PCNX2: variants seen among roughly 807,000 people sequenced by gnomAD.
The protein encoded by PCNX2 is pecanex 2.
A neutral mutation model predicts 223.8 loss-of-function variants in PCNX2; 168 were observed. The ratio of observed to expected loss-of-function variants is 0.75; its 90% CI spans 0.66 to 0.85. The LOEUF (loss-of-function observed/expected upper bound fraction) is 0.85. PCNX2 is among the 40% of genes least tolerant of loss of function. The pLI, the probability that PCNX2 is intolerant of heterozygous loss-of-function variation, is 0.00. For synonymous variants in PCNX2, 1,006 were observed against 1,052.6 expected (o/e 0.96, Z 0.86); for missense variants, 2,507 against 2,675.5 (o/e 0.94, Z 1.39).
chr1:233,240,603 TGGTTCAG>T (rs1658705373), intron 8 of PCNX2, among the ~76,000 whole-genome samples: 1 of 152,174 alleles, frequency 6.6e-6, no homozygotes, highest in African/African-American at 2.4e-5. Context: ...TAAACTAGTT[TGGTTCAG>T]GGCTATAGCA....
At chr1:233,037,319 G>C (rs755195999) in intron 25 of PCNX2, among the ~76,000 whole-genome samples, 1 of 152,062 alleles carries the variant, frequency 6.6e-6, no homozygotes, top group Non-Finnish European at 1.5e-5. Flanking sequence ...CTGGACCTGT[G>C]TGTCTTTTTT....
intron 23 of PCNX2, among the ~76,000 whole-genome samples, chr1:233,080,351 C>T (rs1673297611): frequency 6.6e-6 from 1 of 151,832 alleles, no homozygotes; most frequent in Admixed American, 6.6e-5. Flanking sequence ...AGTAGCTAAA[C>T]CATGTTAATG....
chr1:233,167,955 T>C (rs1678899576), intron 17 of PCNX2: 1 of 461,658 alleles, frequency 2.2e-6, no homozygotes, highest in Admixed American at 6.4e-5. Flanking sequence ...AAAAAGAGAA[T>C]TTACTGGTAC....
At chr1:233,107,869 G>A (rs1247715087) in intron 21 of PCNX2, among the ~76,000 whole-genome samples, 4 of 152,146 alleles carry the variant, frequency 2.6e-5, no homozygotes, top group Admixed American at 2.0e-4. Flanking sequence ...GATGAGAGAG[G>A]AAGTTGGCAC....
Position 233,208,620 on chromosome 1 carries a change from G to A in PCNX2, c.2761C>T (p.Leu921Phe). ...FCVLCGLILL[L>F]DTGAKARHPP... ...TGCCTGGCTTTGGCCCCTGTATCAAGAAGCAAAATAAGGCCACACAGCACA... is the reference window on the plus strand; with the variant it reads ...TGCCTGGCTTTGGCCCCTGTATCAAAAAGCAAAATAAGGCCACACAGCACA... Residue 921 changes from leucine (L) to phenylalanine (F), a missense_variant, in exon 13 of 34, where the codon CTT becomes TTT. Around this residue, in one of 3 missense-constraint regions of PCNX2, gnomAD observed 104 missense variants for 144.4 expected, o/e 0.72. Transcript: ENST00000258229. The A allele has an allele frequency of 2.5e-6, 4 of 1,613,722 alleles. No individual in the cohort carries two copies. The highest frequency in any genetic ancestry group is 3.4e-6 in the Non-Finnish European group (4 of 1,179,836).
At chr1:233,031,878 G>T (rs2102844070) in intron 25 of PCNX2, 1 of 982,722 alleles carries the variant, frequency 1.0e-6, no homozygotes, top group African/African-American at 1.8e-5. Flanking sequence ...GTATAGAAAT[G>T]CATACTGGAC....
At chr1:233,264,744 T>C (rs1400806779) in intron 1 of PCNX2, among the ~76,000 whole-genome samples, 1 of 152,188 alleles carries the variant, frequency 6.6e-6, no homozygotes, top group Non-Finnish European at 1.5e-5. Flanking sequence ...AAAAGGTGCA[T>C]TTGTAAATAT....
At chr1:233,230,892 G>T (rs1193193371) in intron 9 of PCNX2, among the ~76,000 whole-genome samples, 1 of 152,080 alleles carries the variant, frequency 6.6e-6, no homozygotes. Flanking sequence ...TGAAATCTAA[G>T]AATAAAAGAC....
At chr1:233,029,636 C>A (rs1671198446) in intron 25 of PCNX2, among the ~76,000 whole-genome samples, 1 of 151,504 alleles carries the variant, frequency 6.6e-6, no homozygotes, top group African/African-American at 2.4e-5. Context: ...TGACTTTATT[C>A]TTGAAGAATA....
intron 10 of PCNX2, among the ~76,000 whole-genome samples, chr1:233,222,064 A>G (rs1657411475): frequency 6.6e-6 from 1 of 152,260 alleles, no homozygotes; most frequent in Non-Finnish European, 1.5e-5. Context: ...TAAATGCAAC[A>G]GAAAAAAGAA....
rs147950904 is a variant in PCNX2 at position 233,100,193 on chromosome 1, A to T, written c.3838-4330T>A. Among the ~76,000 whole-genome samples, 103 of 152,282 alleles carry T rather than the reference A, an allele frequency of 6.8e-4. 1 individual carries two copies. In the East Asian group the frequency reaches 0.014, roughly 21 times the overall value. ...TTTGGGAGGCCATGGCAGGCAGATCACCAGAGGTCAGGAGTTCCAGAACAG... is the reference window on the plus strand; with the variant it reads ...TTTGGGAGGCCATGGCAGGCAGATCTCCAGAGGTCAGGAGTTCCAGAACAG... On this transcript the variant is annotated intron_variant, in intron 21 of 33. Coordinates refer to ENST00000258229, the MANE Select transcript of PCNX2 (RefSeq NM_014801.4).
chr1:233,057,735 G>T, intron 23 of PCNX2: 1 of 258,652 alleles, frequency 3.9e-6, no homozygotes, highest in Non-Finnish European at 6.1e-6. Flanking sequence ...AGCCATGTGT[G>T]GTGGCACACT....
At chr1:233,252,934 AT>A in intron 5 of PCNX2, 146 bp from the exon 6 acceptor site, 3 of 851,614 alleles carry the variant, frequency 3.5e-6, no homozygotes, top group South Asian at 2.0e-5. Context: ...ATAATTTTTC[AT>A]TTTTTTAATT....
the PCNX2 span, among the ~76,000 whole-genome samples, chr1:233,324,980 C>T: frequency 6.6e-6 from 1 of 152,210 alleles, no homozygotes; most frequent in Non-Finnish European, 1.5e-5. Flanking sequence ...GACAATGTAT[C>T]TGGTCACCCA....
chr1:233,165,304 T>C (rs1009410446), intron 17 of PCNX2, among the ~76,000 whole-genome samples: 2 of 152,196 alleles, frequency 1.3e-5, no homozygotes, highest in African/African-American at 2.4e-5. Flanking sequence ...CTAGTGAATA[T>C]ATGCCTCCTA....
intron 32 of PCNX2, among the ~76,000 whole-genome samples, chr1:232,996,515 GGT>G (rs1301252989): frequency 1.3e-5 from 2 of 152,158 alleles, no homozygotes; most frequent in African/African-American, 4.8e-5. Flanking sequence ...AACAGCATGG[GGT>G]GGGTGGGGCA....
chr1:233,235,957 AAT>A (rs1553319644), intron 9 of PCNX2, among the ~76,000 whole-genome samples: 1,283 of 93,080 alleles, frequency 0.014, 31 homozygotes, highest in African/African-American at 0.04. Flanking sequence ...CATAAAAAAA[AAT>A]ATATATATAT....
chr1:233,227,301 TA>T lies in PCNX2; in HGVS notation c.2428del (p.Tyr810ThrfsTer18). On this transcript the variant is annotated frameshift_variant, in exon 10 of 34. Transcript: ENST00000258229. LOFTEE classifies it high-confidence loss of function. Reference protein sequence around the residue: ...TQGKFNREQFYKFIIFPGKWI... With the variant: ...TQGKFNREQFXKFIIFPGKWI... The stretch of plus-strand genomic sequence containing the variant: ...CTTGCCAGGGAAAATGATAAATTTG[TA>T]AAACTGCTCTCGGTTAAATTTTCCT... 6.2e-7 allele frequency: 1 copy of T among 1,613,648 alleles called. No homozygotes were observed. Among genetic ancestry groups the T allele is most frequent in the Non-Finnish European group, 8.5e-7 (1 of 1,179,708 alleles).
chr1:232,985,944 C>T (rs1304595080), intron 33 of PCNX2, 148 bp downstream of exon 33: 2 of 864,322 alleles, frequency 2.3e-6, no homozygotes, highest in Admixed American at 2.2e-5. Flanking sequence ...TGTCTAATCA[C>T]TGTCCTTTGT....
Sources: gnomAD v4.1 joint callset for allele counts (sites outside exome capture counted in the v4.1 genomes callset) on GRCh38, gnomAD v4.1.1 for gene constraint, gnomAD v4.1.1 regional missense constraint, MANE v1.5 for transcripts, NCBI Gene and HGNC (gene_info 2026-07-23, HGNC 2026-07-21) for gene names.